The following ADAT2 variants were observed in gnomAD, a reference collection of about 807,000 sequenced individuals.
ADAT2 encodes the protein tRNA-specific adenosine-34 deaminase catalytic subunit ADAT2.
Under a neutral mutation model 25.9 loss-of-function variants are expected in ADAT2, and 26 were observed. That is an observed-to-expected ratio of 1.00 (90% CI 0.74 to 1.39). The LOEUF is 1.39. ADAT2 is among the 40% of genes most tolerant of loss of function. The pLI is 0.00. For synonymous variants in ADAT2, 76 were observed against 86.8 expected, an observed-to-expected ratio of 0.88 and a Z score of 0.69; for missense variants, 220 against 244.8, an observed-to-expected ratio of 0.90 and a Z score of 0.68.
chr6:143,435,104 T>A (rs1455322716), intron 2 of ADAT2, among the ~76,000 whole-genome samples: 1 of 147,512 alleles, frequency 6.8e-6, no homozygotes, highest in Non-Finnish European at 1.5e-5. Context: ...TGGAAGGTAC[T>A]TTACAGAAGA....
Position 143,448,852 on chromosome 6 carries a change from A to T in ADAT2, c.96+1711T>A, listed in dbSNP as rs542787539. Among the ~76,000 whole-genome samples, 3 of 152,270 alleles carry T rather than the reference A, an allele frequency of 2.0e-5. No homozygotes were observed. In the South Asian group the frequency reaches 6.2e-4, roughly 32 times the overall value. On this transcript the variant is annotated intron_variant, in intron 1 of 5. Transcript: ENST00000237283. ...GAGAGACCCTGTCTAAACCAAAAAA[A>T]AATCTTCTAAAAATAAAAAGAAATT...
chr6:143,433,155 G>T lies in ADAT2; in HGVS notation c.353-544C>A, dbSNP rs575973315. On this transcript the variant is annotated intron_variant, in intron 3 of 5. Coordinates refer to ENST00000237283, the MANE Select transcript of ADAT2 (RefSeq NM_182503.3). Reference sequence around the variant, plus strand: ...AAAACCTCTGTATTATTTTTAAAGTGTTAAAATTATCCATCCGTACATAGT... The same window carrying T: ...AAAACCTCTGTATTATTTTTAAAGTTTTAAAATTATCCATCCGTACATAGT... Among the ~76,000 whole-genome samples the T allele has an allele frequency of 3.3e-5, 5 of 152,222 alleles. No homozygotes were observed. The East Asian group carries it at 9.6e-4, about 29-fold the overall frequency.
At chr6:143,450,428 C>G (rs1323965420) in intron 1 of ADAT2, 135 bp downstream of exon 1, 1 of 927,314 alleles carries the variant, frequency 1.1e-6, no homozygotes, top group Admixed American at 2.0e-5. Flanking sequence ...GGCAGTAAAG[C>G]CAGTTGTTCA....
At position 143,425,215 on chromosome 6, in the gene ADAT2, C is replaced by T. The variant is rs1233616478; in HGVS notation, c.*3248G>A. The T allele has an allele frequency of 6.6e-6, 1 of 151,944 alleles. No homozygotes were observed. The highest frequency in any genetic ancestry group is 2.4e-5 in the African/African-American group (1 of 41,370). The allele number at this position is 151,944 out of a possible 1,614,324, so 9.4% of individuals were successfully genotyped here. ...AGAAAGCCAGTGAAAATGTTCTAGA[C>T]TAAAAGAAGCTAAAGGCAGACCGGT... On this transcript the variant is annotated 3_prime_UTR_variant, in exon 6 of 6. Transcript: ENST00000237283.
At chr6:143,435,947 T>C (rs773430431) in intron 2 of ADAT2, among the ~76,000 whole-genome samples, 2 of 152,202 alleles carry the variant, frequency 1.3e-5, no homozygotes, top group African/African-American at 2.4e-5. Context: ...TAATTCTATA[T>C]GGGAATGACT....
In ADAT2 at chr6:143,433,873, C is replaced by G. The variant is rs892846467; in HGVS notation, c.310G>C (p.Val104Leu). Residue 104 changes from valine to leucine, a missense_variant, in exon 3 of 6, where the codon GTG becomes CTG. Coordinates refer to ENST00000237283, the MANE Select transcript of ADAT2 (RefSeq NM_182503.3). ...VFEHTVLYVTVEPCIMCAAAL... is the reference protein window; with the variant it reads ...VFEHTVLYVTLEPCIMCAAAL... ...GCTGCACACATAATGCACGGCTCCA[C>G]AGTGACATACAACACAGTGTGTTCA... 5.6e-6 allele frequency: 9 copies of G among 1,614,010 alleles called. No individual in the cohort carries two copies. The highest frequency in any genetic ancestry group is 7.6e-6 in the Non-Finnish European group (9 of 1,180,012).
Position 143,437,199 on chromosome 6 carries a change from T to C in ADAT2, c.201+1391A>G, listed in dbSNP as rs948891556. 2.6e-5 allele frequency among the ~76,000 whole-genome samples: 4 copies of C among 152,186 alleles called. No homozygotes were observed. The highest frequency in any genetic ancestry group is 5.9e-5 in the Non-Finnish European group (4 of 68,016). On this transcript the variant is annotated intron_variant, in intron 2 of 5. Coordinates refer to ENST00000237283, the MANE Select transcript of ADAT2 (RefSeq NM_182503.3). The surrounding 1 kb of genome is among the most constrained non-coding windows in gnomAD (Gnocchi z 4.1). ...ATTGATTGGAACTGCTAGGGCGAAG[T>C]ATATGCAAAATCTACATTTTGAGTA...
chr6:143,428,362 AAAC>A lies in ADAT2; in HGVS notation c.*98_*100del. 2 of 1,345,006 alleles carry A rather than the reference AAAC, an allele frequency of 1.5e-6. No individual in the cohort carries two copies. The highest frequency in any genetic ancestry group is 2.1e-6 in the Non-Finnish European group (2 of 972,470). The allele number at this position is 1,345,006 out of a possible 1,614,324, so 83.3% of individuals were successfully genotyped here. The stretch of plus-strand genomic sequence containing the variant: ...GAGACACCATTTTCCTGCAGATTAA[AAAC>A]AATATATAAACATATGATTCAACGA... On this transcript the variant is annotated 3_prime_UTR_variant, in exon 6 of 6. Transcript: ENST00000237283. The surrounding 1 kb of genome is among the most constrained non-coding windows in gnomAD (Gnocchi z 5.0).
At position 143,438,457 on chromosome 6, in the gene ADAT2, G is replaced by A. The variant is rs58316476; in HGVS notation, c.201+133C>T. The A allele has an allele frequency of 5.8e-3, 3,096 of 532,204 alleles. 77 individuals carry two copies. The highest frequency in any genetic ancestry group is 0.055 in the African/African-American group (2,838 of 51,760). 33.0% of individuals were successfully genotyped at this position (532,204 alleles called of 1,614,324 possible). On this transcript the variant is annotated intron_variant, in intron 2 of 5. Transcript: ENST00000237283. ...GAAAATGATACTGAAAAAGAGAGAC[G>A]TTAAGAAAAGCTACCCACCACTGGC...
rs1042652536 is a variant in ADAT2 at position 143,434,071 on chromosome 6, C to G, written c.202-90G>C. 2.0e-6 allele frequency: 3 copies of G among 1,485,044 alleles called. No homozygotes were observed. The highest frequency in any genetic ancestry group is 2.7e-6 in the Non-Finnish European group (3 of 1,091,822). The allele number at this position is 1,485,044 out of a possible 1,614,324, so 92.0% of individuals were successfully genotyped here. On this transcript the variant is annotated intron_variant, in intron 2 of 5. Transcript: ENST00000237283. The surrounding 1 kb of genome is among the most constrained non-coding windows in gnomAD (Gnocchi z 4.5). ...ACAAAAACTAAGTACAAAATATGCG[C>G]CTATCCTTTCTGCCAATATTTTAAT... is the stretch of plus-strand genomic sequence containing the variant.
In ADAT2 at chr6:143,434,737, C is replaced by T. The variant is rs2128740440; in HGVS notation, c.202-756G>A. ...AAGCATGGTGCCACATAATACTACACATGTACTCTGCTAGCTCTTGTCTCC... is the reference window on the plus strand; with the variant it reads ...AAGCATGGTGCCACATAATACTACATATGTACTCTGCTAGCTCTTGTCTCC... On this transcript the variant is annotated intron_variant, in intron 2 of 5. Transcript: ENST00000237283. The surrounding 1 kb of genome is among the most constrained non-coding windows in gnomAD (Gnocchi z 4.5). Among the ~76,000 whole-genome samples the T allele has an allele frequency of 6.6e-6, 1 of 152,342 alleles. No individual in the cohort carries two copies.
intron 1 of ADAT2, among the ~76,000 whole-genome samples, chr6:143,447,695 G>C (rs1262817054): frequency 2.0e-5 from 3 of 151,598 alleles, no homozygotes; most frequent in African/African-American, 7.3e-5. Flanking sequence ...AAAAAAAAAG[G>C]GCATTACTGG....
chr6:143,441,083 G>A (rs76608258), intron 1 of ADAT2, among the ~76,000 whole-genome samples: 6,560 of 152,206 alleles, frequency 0.043, 478 homozygotes, highest in African/African-American at 0.15. Flanking sequence ...GAAGTTATTC[G>A]GCCCTGCCAA....
chr6:143,443,852 A>C (rs1445982852), intron 1 of ADAT2, among the ~76,000 whole-genome samples: 1 of 152,044 alleles, frequency 6.6e-6, no homozygotes. Flanking sequence ...AAGTTAAAAA[A>C]AAAAACAAAA....
rs1779439581 is a variant in ADAT2 at position 143,440,895 on chromosome 6, T to C, written c.97-2201A>G. On this transcript the variant is annotated intron_variant, in intron 1 of 5. Coordinates refer to ENST00000237283, the MANE Select transcript of ADAT2 (RefSeq NM_182503.3). This position sits in a 1 kb window ranked among gnomAD's most constrained non-coding sequence, Gnocchi z 4.5. Reference sequence around the variant, plus strand: ...ATGCAAAAAATATTTGTTGAGGATCTTGAGATGGAGAGATTATCCCAAATT... The same window carrying C: ...ATGCAAAAAATATTTGTTGAGGATCCTGAGATGGAGAGATTATCCCAAATT... 1.3e-5 allele frequency among the ~76,000 whole-genome samples: 2 copies of C among 152,206 alleles called. No individual in the cohort carries two copies. Among genetic ancestry groups the C allele is most frequent in the Non-Finnish European group, 2.9e-5 (2 of 68,034 alleles).
chr6:143,447,130 G>A (rs551879511), intron 1 of ADAT2, among the ~76,000 whole-genome samples: 1 of 152,354 alleles, frequency 6.6e-6, no homozygotes, highest in East Asian at 1.9e-4. Flanking sequence ...TGATGGAAAT[G>A]TCCTTTGATC....
At position 143,442,473 on chromosome 6, in the gene ADAT2, G is replaced by GGATACACA. The variant is rs1554279346; in HGVS notation, c.97-3780_97-3779insTGTGTATC. 1.1e-4 allele frequency among the ~76,000 whole-genome samples: 8 copies of GGATACACA among 75,052 alleles called. No individual in the cohort carries two copies. The highest frequency in any genetic ancestry group is 2.3e-4 in the Non-Finnish European group (8 of 35,118). 49.2% of individuals were successfully genotyped at this position (75,052 alleles called of 152,430 possible). On this transcript the variant is annotated intron_variant, in intron 1 of 5. Transcript: ENST00000237283. The surrounding 1 kb of genome is among the most constrained non-coding windows in gnomAD (Gnocchi z 4.6). ...AAACATGACAAAATTGCATAGGCACGCATACACACACACACACACACACAC... is the reference window on the plus strand; with the variant it reads ...AAACATGACAAAATTGCATAGGCACGGATACACACATACACACACACACACACACACAC...
chr6:143,438,639 T>C lies in ADAT2; in HGVS notation c.152A>G (p.Asn51Ser), dbSNP rs774105907. 13 of 1,613,558 alleles carry C rather than the reference T, an allele frequency of 8.1e-6. No individual in the cohort carries two copies. In the South Asian group the frequency reaches 1.3e-4, roughly 16 times the overall value. Residue 51 changes from asparagine to serine, a missense_variant, in exon 2 of 6, where the codon AAC becomes AGC. Asn to Ser is a conservative substitution (Grantham distance 46). Transcript: ENST00000237283. The part of the protein sequence containing the change: ...EVPVGCLMVY[N>S]NEVVGKGRNE... ...TCTCCCCTTCCCTACAACTTCATTGTTGTAGACCATAAGACAGCCAACAGG... is the reference window on the plus strand; with the variant it reads ...TCTCCCCTTCCCTACAACTTCATTGCTGTAGACCATAAGACAGCCAACAGG...
Position 143,436,834 on chromosome 6 carries a change from A to T in ADAT2, c.201+1756T>A, listed in dbSNP as rs1779300965. 6.6e-6 allele frequency: 1 copy of T among 151,938 alleles called. No homozygotes were observed. 9.4% of individuals were successfully genotyped at this position (151,938 alleles called of 1,614,324 possible). ...CTTGCTGTGTGTTCACCTCTATTAA[A>T]GCATTTCCATAGTAAAAAAAATAAA... On this transcript the variant is annotated intron_variant, in intron 2 of 5. Transcript: ENST00000237283. This position sits in a 1 kb window ranked among gnomAD's most constrained non-coding sequence, Gnocchi z 4.1.
Sources: gnomAD v4.1 joint callset for allele counts (sites outside exome capture counted in the v4.1 genomes callset) on GRCh38, gnomAD v4.1.1 for gene constraint, Gnocchi (gnomAD v3.1) non-coding constraint, MANE v1.5 for transcripts, NCBI Gene and HGNC (gene_info 2026-07-23, HGNC 2026-07-21) for gene names.